The following GM2A variants were observed in gnomAD, a reference collection of about 807,000 sequenced individuals.
GM2A encodes the protein ganglioside GM2 activator, also known as GM2 ganglioside activator.
In GM2A, 7 loss-of-function variants were observed where a neutral mutation model predicts 12.9. The ratio of observed to expected loss-of-function variants is 0.54; its 90% CI spans 0.31 to 1.02. GM2A has a LOEUF of 1.02. Among genes scored for constraint, GM2A ranks in the 50% least tolerant of loss-of-function variants. The probability of loss-of-function intolerance (pLI) is 0.05; values close to 1 mark genes in which losing one functional copy is unlikely to be tolerated. For missense variants in GM2A, 246 were observed against 241.0 expected, an observed-to-expected ratio of 1.02 and a Z score of -0.14; for synonymous variants, 101 against 96.0, an observed-to-expected ratio of 1.05 and a Z score of -0.30.
chr5:151,257,680 G>T (rs1158839704), intron 1 of GM2A, among the ~76,000 whole-genome samples: 1 of 152,142 alleles, frequency 6.6e-6, no homozygotes. Context: ...AAATGACCCT[G>T]CTACCCCTCC....
chr5:151,254,194 T>C (rs1047669995), intron 1 of GM2A, among the ~76,000 whole-genome samples: 6 of 152,200 alleles, frequency 3.9e-5, no homozygotes, highest in African/African-American at 1.4e-4. Flanking sequence ...TCTTAGCTAT[T>C]GTGAGTAATG....
chr5:151,256,062 G>C (rs1273763363), intron 1 of GM2A, among the ~76,000 whole-genome samples: 2 of 152,138 alleles, frequency 1.3e-5, no homozygotes, highest in Non-Finnish European at 2.9e-5. Context: ...GGGTGACAGT[G>C]AATGAACATC....
intron 1 of GM2A, 70 bp from the exon 2 acceptor site, chr5:151,259,685 T>A (rs774751651): frequency 3.3e-5 from 48 of 1,472,822 alleles, no homozygotes; most frequent in Non-Finnish European, 4.3e-5. Context: ...TCATTTTTCC[T>A]GTGATCTGTG....
Position 151,268,238 on chromosome 5 carries a change from C to A in GM2A, c.*787C>A. 1.7e-6 allele frequency: 1 copy of A among 581,790 alleles called. No homozygotes were observed. The highest frequency in any genetic ancestry group is 2.2e-6 in the Non-Finnish European group (1 of 461,236). 36.0% of individuals were successfully genotyped at this position (581,790 alleles called of 1,614,324 possible). ...TGGTGCAATCTCACCTCACTGCAACCTCCGCCTCCTGGGTTCAAGCAATTC... is the reference window on the plus strand; with the variant it reads ...TGGTGCAATCTCACCTCACTGCAACATCCGCCTCCTGGGTTCAAGCAATTC... On this transcript the variant is annotated 3_prime_UTR_variant, in exon 4 of 4. Transcript: ENST00000357164.
rs1753962034 is a variant in GM2A at position 151,269,266 on chromosome 5, T to C, written c.*1815T>C. 1.0e-6 allele frequency: 1 copy of C among 985,478 alleles called. No homozygotes were observed. Among genetic ancestry groups the C allele is most frequent in the African/African-American group, 1.7e-5 (1 of 57,366 alleles). The allele number at this position is 985,478 out of a possible 1,614,324, so 61.0% of individuals were successfully genotyped here. A position where few individuals can be genotyped will look rare whatever the true frequency, so the allele number is the denominator to read the frequency against. On this transcript the variant is annotated 3_prime_UTR_variant, in exon 4 of 4. Coordinates refer to ENST00000357164, the MANE Select transcript of GM2A (RefSeq NM_000405.5). ...ACAGTTTCCCCTTGCCTTGGCTGCA[T>C]ATTTCACTGATCACATCTCAGGATT...
intron 2 of GM2A, among the ~76,000 whole-genome samples, chr5:151,262,975 G>A (rs145727750): frequency 6.6e-6 from 1 of 151,860 alleles, no homozygotes; most frequent in East Asian, 1.9e-4. Context: ...CTTTTCCATT[G>A]CTTTATTACC....
At chr5:151,262,147 A>T (rs1196044132) in intron 2 of GM2A, among the ~76,000 whole-genome samples, 4 of 152,214 alleles carry the variant, frequency 2.6e-5, no homozygotes, top group African/African-American at 7.2e-5. Context: ...TTAGGGGTGT[A>T]TGTTTTTATA....
intron 2 of GM2A, among the ~76,000 whole-genome samples, chr5:151,263,155 C>T (rs62377901): frequency 0.063 from 9,081 of 144,636 alleles, 494 homozygotes; most frequent in East Asian, 0.26. Flanking sequence ...TGTAGTCGCG[C>T]GATCATGGCT....
chr5:151,257,032 C>T (rs147628366), intron 1 of GM2A, among the ~76,000 whole-genome samples: 17 of 152,244 alleles, frequency 1.1e-4, no homozygotes, highest in Admixed American at 2.0e-4. Flanking sequence ...AAATTTTGAA[C>T]CCCTAGGGGG....
chr5:151,253,315 TAAGAGTCTGTTTGC>T lies in GM2A; in HGVS notation c.81+20_81+33del, dbSNP rs1561615444. Reference sequence around the variant, plus strand: ...TGAAAAAGGTGAGTGCACCCTCTTTTAAGAGTCTGTTTGCAGCCTCCTGGCCCAGCTACGGGTGT... The same window carrying T: ...TGAAAAAGGTGAGTGCACCCTCTTTTAGCCTCCTGGCCCAGCTACGGGTGT... On this transcript the variant is annotated intron_variant, in intron 1 of 3. Transcript: ENST00000357164. The T allele has an allele frequency of 5.0e-6, 8 of 1,591,142 alleles. No homozygotes were observed. Among genetic ancestry groups the T allele is most frequent in the Non-Finnish European group, 6.9e-6 (8 of 1,159,514 alleles).
rs772562842 is a variant in GM2A at position 151,266,744 on chromosome 5, T to C, written c.257T>C (p.Leu86Ser). The change falls in exon 3 of 4, where the codon TTG becomes TCG. Residue 86 changes from leucine to serine, a missense_variant. Leu to Ser is a moderately radical substitution (Grantham distance 145). Coordinates refer to ENST00000357164, the MANE Select transcript of GM2A (RefSeq NM_000405.5). ...LSSPLKVDLV[L>S]EKEVAGLWIK... ...TTTTTTTACCAGGTGGATTTAGTTT[T>C]GGAGAAGGAGGTGGCTGGCCTCTGG... 2.5e-6 allele frequency: 4 copies of C among 1,613,888 alleles called. No individual in the cohort carries two copies. The highest frequency in any genetic ancestry group is 3.4e-6 in the Non-Finnish European group (4 of 1,179,758).
chr5:151,255,122 T>A (rs1373200419), intron 1 of GM2A, among the ~76,000 whole-genome samples: 1 of 152,038 alleles, frequency 6.6e-6, no homozygotes, highest in Admixed American at 6.6e-5. Context: ...GGCAACATGG[T>A]GAAGCCCCAT....
chr5:151,257,655 G>T (rs1174643755), intron 1 of GM2A, among the ~76,000 whole-genome samples: 1 of 152,180 alleles, frequency 6.6e-6, no homozygotes, highest in African/African-American at 2.4e-5. Flanking sequence ...ATTATAGCTT[G>T]TGGGGTCCTG....
rs1554092212 is a variant in GM2A at position 151,253,207 on chromosome 5, A to G, written c.-10A>G. On this transcript the variant is annotated 5_prime_UTR_variant, in exon 1 of 4. Transcript: ENST00000357164. ...CTTGCAGTTAACTCCGCCCTGACCC[A>G]CCCTTCCCGATGCAGTCCCTGATGC... The G allele has an allele frequency of 1.2e-6, 2 of 1,611,430 alleles. No individual in the cohort carries two copies. The highest frequency in any genetic ancestry group is 1.1e-5 in the South Asian group (1 of 91,026).
Position 151,267,612 on chromosome 5 carries a change from T to G in GM2A, c.*161T>G. On this transcript the variant is annotated 3_prime_UTR_variant, in exon 4 of 4. Transcript: ENST00000357164. ...AAAATCATTTTGTACCACTTACATT[T>G]TAGGCTGGGGCAAGCAGCCCTGACC... is the stretch of plus-strand genomic sequence containing the variant. 1 of 1,528,300 alleles carries G rather than the reference T, an allele frequency of 6.5e-7. No homozygotes were observed. The highest frequency in any genetic ancestry group is 8.8e-7 in the Non-Finnish European group (1 of 1,141,068). The allele number at this position is 1,528,300 out of a possible 1,614,324, so 94.7% of individuals were successfully genotyped here.
At chr5:151,266,498 A>G (rs1299391910) in intron 2 of GM2A, among the ~76,000 whole-genome samples, 2 of 151,084 alleles carry the variant, frequency 1.3e-5, no homozygotes, top group Admixed American at 6.6e-5. Context: ...GTGTAGGGGG[A>G]AAATTCACAT....
chr5:151,262,319 T>C (rs57261490), intron 2 of GM2A, among the ~76,000 whole-genome samples: 3,198 of 152,352 alleles, frequency 0.021, 101 homozygotes, highest in African/African-American at 0.071. Flanking sequence ...TTGTGTTAAT[T>C]ATTTAGAAGA....
rs1329304984 is a variant in GM2A at position 151,269,151 on chromosome 5, T to TA, written c.*1701dup. 1 of 985,464 alleles carries TA rather than the reference T, an allele frequency of 1.0e-6. No homozygotes were observed. The highest frequency in any genetic ancestry group is 1.1e-4 in the East Asian group (1 of 8,820). 61.0% of individuals were successfully genotyped at this position (985,464 alleles called of 1,614,324 possible). Reference sequence around the variant, plus strand: ...TGCCTGGATTTTTCTACCACCCTGTTACATCATAACAACTTCTGAAACACA... The same window carrying TA: ...TGCCTGGATTTTTCTACCACCCTGTTAACATCATAACAACTTCTGAAACACA... On this transcript the variant is annotated 3_prime_UTR_variant, in exon 4 of 4. Coordinates refer to ENST00000357164, the MANE Select transcript of GM2A (RefSeq NM_000405.5).
In GM2A at chr5:151,267,485, G is replaced by C; in HGVS notation, c.*34G>C. On this transcript the variant is annotated 3_prime_UTR_variant, in exon 4 of 4. Coordinates refer to ENST00000357164, the MANE Select transcript of GM2A (RefSeq NM_000405.5). ...CTGCCACAGCAGAATGGAGCGGTGT[G>C]AGGAAGGTCCCTTTTCCTCTGTTTT... The C allele has an allele frequency of 1.2e-6, 2 of 1,613,930 alleles. No homozygotes were observed. The highest frequency in any genetic ancestry group is 1.7e-6 in the Non-Finnish European group (2 of 1,179,940).
Sources: allele counts gnomAD v4.1 joint callset (sites outside exome capture counted in the v4.1 genomes callset), GRCh38; gene constraint gnomAD v4.1.1; transcripts MANE v1.5; gene names NCBI Gene and HGNC (gene_info 2026-07-23, HGNC 2026-07-21).